HPSE2: variants seen among roughly 807,000 people sequenced by gnomAD.
HPSE2 encodes heparanase 2 (inactive).
HPSE2 carries 38 observed loss-of-function variants against 60.5 expected under a neutral mutation model. The observed-to-expected ratio is 0.63, with a 90% CI of 0.48 to 0.82. The LOEUF is 0.82. Among genes scored for constraint, HPSE2 ranks in the 40% least tolerant of loss-of-function variants. HPSE2 has a pLI of 0.00. For synonymous variants in HPSE2, 295 were observed against 293.2 expected (o/e 1.01, Z -0.06); for missense variants, 713 against 740.4 (o/e 0.96, Z 0.43).
At chr10:99,145,121 T>C (rs1017550222) in intron 2 of HPSE2, among the ~76,000 whole-genome samples, 4 of 152,176 alleles carry the variant, frequency 2.6e-5, no homozygotes, top group African/African-American at 9.7e-5. Flanking sequence ...TCAAAGCAGA[T>C]ATAGTCTCCA....
At chr10:99,056,218 T>A (rs1958110965) in intron 3 of HPSE2, among the ~76,000 whole-genome samples, 1 of 151,144 alleles carries the variant, frequency 6.6e-6, no homozygotes, top group South Asian at 2.1e-4. Flanking sequence ...AATGAACAAA[T>A]TCCTTTAAAA....
chr10:98,720,442 A>AAAATAGGGT (rs1307251953), intron 5 of HPSE2, among the ~76,000 whole-genome samples: 2 of 152,184 alleles, frequency 1.3e-5, no homozygotes, highest in African/African-American at 4.8e-5. Context: ...TGCATTAATT[A>AAAATAGGGT]AAATAGGGTA....
chr10:98,851,258 A>G (rs1407972246), intron 3 of HPSE2, among the ~76,000 whole-genome samples: 2 of 152,214 alleles, frequency 1.3e-5, no homozygotes, highest in African/African-American at 4.8e-5. Context: ...TACCTAAGAC[A>G]CAAGGAGGCT....
intron 4 of HPSE2, among the ~76,000 whole-genome samples, chr10:98,736,041 T>C (rs1949348395): frequency 6.6e-6 from 1 of 152,094 alleles, no homozygotes; most frequent in African/African-American, 2.4e-5. Flanking sequence ...TTTGGCTGTG[T>C]CCCCACTCAA....
chr10:98,960,740 A>ATTT (rs63389761), intron 3 of HPSE2, among the ~76,000 whole-genome samples: 1 of 95,916 alleles, frequency 1.0e-5, no homozygotes, highest in Non-Finnish European at 1.9e-5. Flanking sequence ...TTTTTATTTT[A>ATTT]TTTTTTTTTT....
intron 9 of HPSE2, among the ~76,000 whole-genome samples, chr10:98,495,570 A>G (rs939198518): frequency 2.6e-5 from 4 of 151,678 alleles, no homozygotes; most frequent in African/African-American, 9.7e-5. Context: ...TTTTTCTTCA[A>G]TCTTTTTTCT....
intron 3 of HPSE2, among the ~76,000 whole-genome samples, chr10:99,118,823 C>T (rs1030479224): frequency 4.6e-5 from 7 of 151,918 alleles, no homozygotes; most frequent in African/African-American, 7.3e-5. Flanking sequence ...TCAAGACCAG[C>T]CTGGCCAACA....
chr10:99,159,842 T>C (rs1004568482), intron 2 of HPSE2, among the ~76,000 whole-genome samples: 1 of 152,302 alleles, frequency 6.6e-6, no homozygotes, highest in Admixed American at 6.5e-5. Flanking sequence ...GTGTTCGCTC[T>C]TTAAAAGATA....
intron 11 of HPSE2, among the ~76,000 whole-genome samples, chr10:98,476,620 T>C (rs1012116219): frequency 1.3e-5 from 2 of 152,026 alleles, no homozygotes; most frequent in African/African-American, 4.8e-5. Flanking sequence ...TGGAACCTCA[T>C]CTTTACTAAA....
At chr10:98,544,838 A>G (rs1246472172) in intron 9 of HPSE2, among the ~76,000 whole-genome samples, 1 of 152,022 alleles carries the variant, frequency 6.6e-6, no homozygotes, top group African/African-American at 2.4e-5. Flanking sequence ...GACACAAAAA[A>G]CCCTCAAAAA....
chr10:99,206,484 T>C lies in HPSE2; in HGVS notation c.448+25864A>G, dbSNP rs992968804. 3.3e-5 allele frequency among the ~76,000 whole-genome samples: 5 copies of C among 149,602 alleles called. No homozygotes were observed. In the Admixed American group the frequency reaches 3.4e-4, roughly 10 times the overall value. On this transcript the variant is annotated intron_variant, in intron 2 of 11. Transcript: ENST00000370552. ...GGCATGCGCTATGGTCTCAGCTACC[T>C]GGGAGGCTGAGGTAGCAGGATCGCT... is the stretch of plus-strand genomic sequence containing the variant.
At chr10:98,598,752 A>G (rs1398072747) in intron 9 of HPSE2, among the ~76,000 whole-genome samples, 1 of 151,256 alleles carries the variant, frequency 6.6e-6, no homozygotes, top group Non-Finnish European at 1.5e-5. Flanking sequence ...CCTTGGGTCA[A>G]CTGGAGTCTG....
chr10:98,879,519 C>T (rs987072182), intron 3 of HPSE2, among the ~76,000 whole-genome samples: 6 of 151,950 alleles, frequency 3.9e-5, no homozygotes, highest in African/African-American at 1.4e-4. Flanking sequence ...TATAGCATTC[C>T]ACATTTGAGG....
In HPSE2 at chr10:98,777,402, T is replaced by C. The variant is rs143981597; in HGVS notation, c.611-33346A>G. On this transcript the variant is annotated intron_variant, in intron 3 of 11. Coordinates refer to ENST00000370552, the MANE Select transcript of HPSE2 (RefSeq NM_021828.5). ...AAAAACAATTACATGCAAACTCTCATTGAATCTTCATAATAACCAAATGAG... is the reference window on the plus strand; with the variant it reads ...AAAAACAATTACATGCAAACTCTCACTGAATCTTCATAATAACCAAATGAG... Among the ~76,000 whole-genome samples, 47 of 152,320 alleles carry C rather than the reference T, an allele frequency of 3.1e-4. 1 individual carries two copies. The highest frequency in any genetic ancestry group is 1.1e-3 in the African/African-American group (45 of 41,572).
At chr10:98,681,875 T>C (rs1169230129) in intron 6 of HPSE2, among the ~76,000 whole-genome samples, 1 of 152,244 alleles carries the variant, frequency 6.6e-6, no homozygotes, top group Non-Finnish European at 1.5e-5. Context: ...AATGGGCTTA[T>C]TATTTTTAAG....
rs551942282 is a variant in HPSE2, at chr10:98,569,212, C to T, written c.1320+45692G>A. ...CTGAGTAGCTGGGATTACAGGCACC[C>T]GCCACCACGCCCAGCTAATTTTTTT... is the stretch of plus-strand genomic sequence containing the variant. On this transcript the variant is annotated intron_variant, in intron 9 of 11. Coordinates refer to ENST00000370552, the MANE Select transcript of HPSE2 (RefSeq NM_021828.5). 9.2e-5 allele frequency among the ~76,000 whole-genome samples: 14 copies of T among 151,992 alleles called. No homozygotes were observed. The East Asian group carries it at 1.9e-3, about 21-fold the overall frequency.
intron 9 of HPSE2, among the ~76,000 whole-genome samples, chr10:98,597,033 G>C (rs985826369): frequency 1.3e-5 from 2 of 152,068 alleles, no homozygotes; most frequent in Non-Finnish European, 2.9e-5. Flanking sequence ...TGGCAGCAAG[G>C]AGAAGTGCCA....
chr10:98,804,414 G>A (rs1474536640), intron 3 of HPSE2, among the ~76,000 whole-genome samples: 1 of 151,336 alleles, frequency 6.6e-6, no homozygotes, highest in Non-Finnish European at 1.5e-5. Flanking sequence ...ACTATATAAG[G>A]AACCCAAACA....
intron 6 of HPSE2, among the ~76,000 whole-genome samples, chr10:98,643,586 C>T (rs543823369): frequency 6.6e-6 from 1 of 152,284 alleles, no homozygotes; most frequent in African/African-American, 2.4e-5. Context: ...ATGTGCAACA[C>T]ATAGTGCTGG....
Sources: allele counts gnomAD v4.1 joint callset (sites outside exome capture counted in the v4.1 genomes callset), GRCh38; gene constraint gnomAD v4.1.1; transcripts MANE v1.5; gene names NCBI Gene and HGNC (gene_info 2026-07-23, HGNC 2026-07-21).